SPTBN4: variants seen among roughly 807,000 people sequenced by gnomAD.
SPTBN4 encodes spectrin beta, non-erythrocytic 4.
In SPTBN4, 96 loss-of-function variants were observed where a neutral mutation model predicts 277.8. The ratio of observed to expected loss-of-function variants is 0.35; its 90% CI spans 0.29 to 0.41. The LOEUF (loss-of-function observed/expected upper bound fraction) is 0.41. SPTBN4 is among the 10% of genes least tolerant of loss of function. SPTBN4 has a pLI of 1.00. For synonymous variants in SPTBN4, 1,481 were observed against 1,580.3 expected (o/e 0.94, Z 1.49); for missense variants, 3,006 against 3,595.7 (o/e 0.84, Z 4.19).
intron 20 of SPTBN4, among the ~76,000 whole-genome samples, chr19:40,547,670 T>G (rs995596594): frequency 6.6e-6 from 1 of 152,218 alleles, no homozygotes; most frequent in African/African-American, 2.4e-5. Context: ...TTCCTGTTTC[T>G]CCACATCCTC....
chr19:40,502,601 A>T lies in SPTBN4; in HGVS notation c.1203+94A>T, dbSNP rs2080276232. 1.4e-6 allele frequency: 2 copies of T among 1,430,882 alleles called. No homozygotes were observed. Among genetic ancestry groups the T allele is most frequent in the Non-Finnish European group, 1.9e-6 (2 of 1,055,122 alleles). The allele number at this position is 1,430,882 out of a possible 1,614,324, so 88.6% of individuals were successfully genotyped here. A position where few individuals can be genotyped will look rare whatever the true frequency, so the allele number is the denominator to read the frequency against. ...GGGAATCATTCACATTGTAGACATG[A>T]TGGATTAGATATTCATTCTGACAGT... On this transcript the variant is annotated intron_variant, in intron 10 of 35. Coordinates refer to ENST00000598249, the MANE Select transcript of SPTBN4 (RefSeq NM_020971.3). The surrounding 1 kb of genome is among the most constrained non-coding windows in gnomAD (Gnocchi z 4.9).
intron 22 of SPTBN4, 136 bp downstream of exon 22, chr19:40,550,463 G>A: frequency 2.9e-6 from 2 of 690,798 alleles, no homozygotes; most frequent in Non-Finnish European, 4.7e-6. Context: ...AGATACAGAT[G>A]TATCCAGGTG....
chr19:40,569,936 C>CCACACACACACACACACACACACACA (rs60074818), intron 32 of SPTBN4, among the ~76,000 whole-genome samples: 2 of 131,470 alleles, frequency 1.5e-5, no homozygotes, highest in Non-Finnish European at 3.2e-5. Flanking sequence ...TACTGCCCCT[C>CCACACACACACACACACACACACACA]CACACACACA....
At position 40,569,680 on chromosome 19, in the gene SPTBN4, T is replaced by C. The variant is rs1207935180; in HGVS notation, c.6980T>C (p.Val2327Ala). Reference sequence around the variant, plus strand: ...AGGAAGGCCACCCTGGCTGACATTGTGGAACAGCTGCAGGAGAAAGAGGCA... The same window carrying C: ...AGGAAGGCCACCCTGGCTGACATTGCGGAACAGCTGCAGGAGAAAGAGGCA... ...VKGKATLADI[V>A]EQLQEKEAGP... is the part of the protein sequence containing the mutation. Residue 2327 changes from valine to alanine, a missense_variant, in exon 32 of 36, where the codon GTG (valine) becomes GCG (alanine). Coordinates refer to ENST00000598249, the MANE Select transcript of SPTBN4 (RefSeq NM_020971.3). 1.9e-6 allele frequency: 3 copies of C among 1,612,588 alleles called. No individual in the cohort carries two copies. Among genetic ancestry groups the C allele is most frequent in the African/African-American group, 2.7e-5 (2 of 74,766 alleles).
At chr19:40,505,569 G>A (rs951321938) in intron 12 of SPTBN4, among the ~76,000 whole-genome samples, 3 of 151,462 alleles carry the variant, frequency 2.0e-5, no homozygotes, top group African/African-American at 4.9e-5. Flanking sequence ...ACATCTAATC[G>A]GGAGGCAGGA....
At chr19:40,533,763 T>G (rs1445824086) in intron 19 of SPTBN4, among the ~76,000 whole-genome samples, 2 of 152,158 alleles carry the variant, frequency 1.3e-5, no homozygotes, top group Non-Finnish European at 2.9e-5. Context: ...TTGATCACTC[T>G]GTGACTGTTT....
In SPTBN4 at chr19:40,575,683, C is replaced by G. The variant is rs1372391488; in HGVS notation, c.*114C>G. 7.6e-7 allele frequency: 1 copy of G among 1,317,846 alleles called. No homozygotes were observed. The highest frequency in any genetic ancestry group is 1.0e-6 in the Non-Finnish European group (1 of 991,890). 81.6% of individuals were successfully genotyped at this position (1,317,846 alleles called of 1,614,324 possible). On this transcript the variant is annotated 3_prime_UTR_variant, in exon 36 of 36. Transcript: ENST00000598249. ...GCCCCTAGTTCCAACACTGAGGACG[C>G]GTGACATGGTGGGCACCGGAAAGGA...
chr19:40,571,895 G>A (rs564583257), intron 33 of SPTBN4, 124 bp from the exon 34 acceptor site: 11 of 1,141,958 alleles, frequency 9.6e-6, no homozygotes, highest in East Asian at 2.6e-5. Context: ...CAACTAGGGC[G>A]CAACTAGGGC....
chr19:40,572,236 T>C (rs374975896), intron 34 of SPTBN4, 44 bp downstream of exon 34: 11 of 1,598,612 alleles, frequency 6.9e-6, no homozygotes, highest in Non-Finnish European at 9.4e-6. Flanking sequence ...AAGGCTCAGC[T>C]TCAACTCCCA....
At chr19:40,495,434 G>A (rs1261060505) in intron 6 of SPTBN4, among the ~76,000 whole-genome samples, 1 of 152,228 alleles carries the variant, frequency 6.6e-6, no homozygotes, top group South Asian at 2.1e-4. Flanking sequence ...CCTGATGTTA[G>A]GAGTTCAAGA....
intron 18 of SPTBN4, among the ~76,000 whole-genome samples, chr19:40,531,169 G>A (rs989936942): frequency 6.6e-6 from 1 of 151,998 alleles, no homozygotes; most frequent in Non-Finnish European, 1.5e-5. Context: ...TCACTTTTGA[G>A]GGGGCTTTAC....
chr19:40,487,001 G>A lies in SPTBN4; in HGVS notation c.170-696G>A, dbSNP rs371845870. On this transcript the variant is annotated intron_variant, in intron 2 of 35. Coordinates refer to ENST00000598249, the MANE Select transcript of SPTBN4 (RefSeq NM_020971.3). ...TGGGTGGCAGAGGGTCGGGGAAGGC[G>A]TCACAGGTAGGAGGAGACATGACTG... Among the ~76,000 whole-genome samples the A allele has an allele frequency of 1.1e-3, 163 of 151,804 alleles. 1 individual carries two copies. Among genetic ancestry groups the A allele is most frequent in the African/African-American group, 3.8e-3 (158 of 41,184 alleles).
At chr19:40,503,744 G>A (rs1308288325) in intron 11 of SPTBN4, 86 bp from the exon 12 acceptor site, 2 of 1,409,552 alleles carry the variant, frequency 1.4e-6, no homozygotes, top group Non-Finnish European at 1.9e-6. Context: ...AGGTAATGGA[G>A]TGGGGAGTCC....
intron 2 of SPTBN4, among the ~76,000 whole-genome samples, chr19:40,485,218 C>T (rs955198151): frequency 2.0e-5 from 3 of 152,084 alleles, no homozygotes; most frequent in Admixed American, 1.3e-4. Context: ...GGCACGATCT[C>T]GGCTCACTGC....
intron 18 of SPTBN4, chr19:40,530,451 C>A (rs919904019): frequency 1.0e-4 from 96 of 961,432 alleles, no homozygotes; most frequent in Non-Finnish European, 1.1e-4. Context: ...GGCGCGCGGC[C>A]GCCGCGCGGG....
rs1261584554 is a variant in SPTBN4, at chr19:40,503,983, G to C, written c.1516G>C (p.Val506Leu). ...AAEGYYDIRR[V>L]AAQRDSVLRQ... ...CGAAGGCTACTACGATATCCGGCGGGTGGCAGCCCAGCGTGACAGCGTCCT... is the reference window on the plus strand; with the variant it reads ...CGAAGGCTACTACGATATCCGGCGGCTGGCAGCCCAGCGTGACAGCGTCCT... Residue 506 changes from valine to leucine, a missense_variant, in exon 12 of 36, where the codon GTG becomes CTG. By Grantham distance (32) the Val-to-Leu change is conservative (BLOSUM62 1). This residue lies in a region of SPTBN4 where 1,759 missense variants were observed against 2,061.5 expected (regional missense o/e 0.85). Coordinates refer to ENST00000598249, the MANE Select transcript of SPTBN4 (RefSeq NM_020971.3). 1.2e-6 allele frequency: 2 copies of C among 1,613,976 alleles called. No homozygotes were observed.
chr19:40,525,723 C>T (rs2080582945), intron 17 of SPTBN4, among the ~76,000 whole-genome samples: 1 of 152,178 alleles, frequency 6.6e-6, no homozygotes, highest in Non-Finnish European at 1.5e-5. Context: ...GAACATGATT[C>T]CTGCCTCACA....
intron 2 of SPTBN4, among the ~76,000 whole-genome samples, chr19:40,480,743 T>C (rs1429295776): frequency 6.6e-6 from 1 of 152,076 alleles, no homozygotes; most frequent in African/African-American, 2.4e-5. Context: ...AGCATTTGGG[T>C]TGCTGCTAGT....
At chr19:40,505,864 T>A (rs1222959253) in intron 12 of SPTBN4, among the ~76,000 whole-genome samples, 1 of 151,684 alleles carries the variant, frequency 6.6e-6, no homozygotes, top group Non-Finnish European at 1.5e-5. Flanking sequence ...GACAAAGATG[T>A]ATAGATAAGA....
Sources: gnomAD v4.1 joint callset for allele counts (sites outside exome capture counted in the v4.1 genomes callset) on GRCh38, gnomAD v4.1.1 for gene constraint, gnomAD v4.1.1 regional missense constraint, Gnocchi (gnomAD v3.1) non-coding constraint, MANE v1.5 for transcripts, NCBI Gene and HGNC (gene_info 2026-07-23, HGNC 2026-07-21) for gene names.